Variants in AJAP1 observed in about 807,000 individuals in gnomAD.
AJAP1 encodes adherens junction-associated protein 1.
A neutral mutation model predicts 35.0 loss-of-function variants in AJAP1; 5 were observed. That is an observed-to-expected ratio of 0.14 (90% confidence interval 0.07 to 0.30). The LOEUF (loss-of-function observed/expected upper bound fraction) is 0.30. Among genes scored for constraint, AJAP1 ranks in the 10% least tolerant of loss-of-function variants. The pLI is 1.00. For missense variants in AJAP1, 586 were observed against 571.0 expected (o/e 1.03, Z -0.27); for synonymous variants, 284 against 249.3 (o/e 1.14, Z -1.31).
rs1642097160 is a variant in AJAP1, at chr1:4,783,090, T to A, written c.*605T>A. 8.3e-6 allele frequency: 3 copies of A among 360,060 alleles called. No individual in the cohort carries two copies. The highest frequency in any genetic ancestry group is 1.5e-5 in the Non-Finnish European group (3 of 204,226). 22.3% of individuals were successfully genotyped at this position (360,060 alleles called of 1,614,324 possible). On this transcript the variant is annotated 3_prime_UTR_variant, in exon 6 of 6. Coordinates refer to ENST00000378191, the MANE Select transcript of AJAP1 (RefSeq NM_018836.4). ...TAGCAATTTTTGAAGATCTTAAATG[T>A]TCCTTTTTAAAAAAAAGAATTGTGT...
intron 2 of AJAP1, among the ~76,000 whole-genome samples, chr1:4,728,088 C>T (rs1317421848): frequency 6.6e-6 from 1 of 152,218 alleles, no homozygotes; most frequent in East Asian, 1.9e-4. Flanking sequence ...AACCAGAGAT[C>T]ACTGACAGGT....
intron 2 of AJAP1, among the ~76,000 whole-genome samples, chr1:4,765,762 A>C (rs1182326963): frequency 6.6e-6 from 1 of 152,212 alleles, no homozygotes; most frequent in East Asian, 1.9e-4. Flanking sequence ...ATTTCCAAAA[A>C]TCAAAAATCC....
At chr1:4,672,698 G>A (rs555670841) in intron 1 of AJAP1, among the ~76,000 whole-genome samples, 2 of 152,296 alleles carry the variant, frequency 1.3e-5, no homozygotes, top group Non-Finnish European at 2.9e-5. Flanking sequence ...TGAGAAGGTG[G>A]GATCCCAGGC....
At chr1:4,658,326 A>T (rs1027468709) in intron 1 of AJAP1, among the ~76,000 whole-genome samples, 2 of 151,958 alleles carry the variant, frequency 1.3e-5, no homozygotes, top group Admixed American at 1.3e-4. Flanking sequence ...GACATAATTC[A>T]CAGTTCCCCA....
intron 2 of AJAP1, among the ~76,000 whole-genome samples, chr1:4,767,646 TCAC>T (rs1284766459): frequency 4.0e-5 from 6 of 151,296 alleles, no homozygotes; most frequent in African/African-American, 1.5e-4. Context: ...CACATCACCA[TCAC>T]CACCATCATC....
chr1:4,658,127 G>A (rs1193795258), intron 1 of AJAP1, among the ~76,000 whole-genome samples: 1 of 152,182 alleles, frequency 6.6e-6, no homozygotes, highest in East Asian at 1.9e-4. Flanking sequence ...GCAGACCTCA[G>A]ATGCTGTGGC....
At chr1:4,767,665 T>C (rs1641717211) in intron 2 of AJAP1, among the ~76,000 whole-genome samples, 2 of 151,556 alleles carry the variant, frequency 1.3e-5, no homozygotes, top group Admixed American at 1.3e-4. Context: ...TCATCATCAC[T>C]ATTATCATCA....
rs1466905702 is a variant in AJAP1 at position 4,792,515 on chromosome 1, A to T, written c.*10030A>T. The T allele has an allele frequency of 9.0e-6, 1 of 111,606 alleles. No individual in the cohort carries two copies. The highest frequency in any genetic ancestry group is 1.9e-5 in the Non-Finnish European group (1 of 51,610). The allele number at this position is 111,606 out of a possible 1,614,324, so 6.9% of individuals were successfully genotyped here. ...ATGTTGCTATTAAAAAAAAAAACAT[A>T]ATATGAAAAAAAAAAAAAAGAAGAG... On this transcript the variant is annotated 3_prime_UTR_variant, in exon 6 of 6. Coordinates refer to ENST00000378191, the MANE Select transcript of AJAP1 (RefSeq NM_018836.4).
At chr1:4,753,570 G>A (rs370382112) in intron 2 of AJAP1, among the ~76,000 whole-genome samples, 20 of 151,766 alleles carry the variant, frequency 1.3e-4, no homozygotes, top group East Asian at 5.8e-4. Flanking sequence ...TATATTAATC[G>A]CTGTTTTTGT....
At position 4,694,824 on chromosome 1, in the gene AJAP1, CACAGTGGAAGCGA is replaced by C. The variant is rs1639822324; in HGVS notation, c.30-17071_30-17059del. On this transcript the variant is annotated intron_variant, in intron 1 of 5. Coordinates refer to ENST00000378191, the MANE Select transcript of AJAP1 (RefSeq NM_018836.4). ...AGCCCTGGGAGCTTTAGGTTGTGAGCACAGTGGAAGCGAACAGAGGAGGCTGTGCAGGAAGGGA... is the reference window on the plus strand; with the variant it reads ...AGCCCTGGGAGCTTTAGGTTGTGAGCACAGAGGAGGCTGTGCAGGAAGGGA... Among the ~76,000 whole-genome samples, 4 of 152,306 alleles carry C rather than the reference CACAGTGGAAGCGA, an allele frequency of 2.6e-5. No homozygotes were observed. In the South Asian group the frequency reaches 8.3e-4, roughly 32 times the overall value.
chr1:4,658,862 C>T (rs1206659409), intron 1 of AJAP1, among the ~76,000 whole-genome samples: 1 of 152,196 alleles, frequency 6.6e-6, no homozygotes, highest in Non-Finnish European at 1.5e-5. Context: ...GTCTCTGGGT[C>T]CCTGGAGGCA....
chr1:4,684,898 C>A (rs1639571729), intron 1 of AJAP1, among the ~76,000 whole-genome samples: 2 of 152,346 alleles, frequency 1.3e-5, no homozygotes, highest in South Asian at 2.1e-4. Flanking sequence ...GATCTCTTTC[C>A]TTGGGAAGCC....
chr1:4,714,190 A>G (rs941921940), intron 2 of AJAP1, among the ~76,000 whole-genome samples: 1 of 152,184 alleles, frequency 6.6e-6, no homozygotes, highest in Non-Finnish European at 1.5e-5. Flanking sequence ...GCTGAGGGCC[A>G]TGCCCAGAGA....
At chr1:4,707,856 C>A (rs1362058337) in intron 1 of AJAP1, among the ~76,000 whole-genome samples, 1 of 151,866 alleles carries the variant, frequency 6.6e-6, no homozygotes, top group Non-Finnish European at 1.5e-5. Context: ...GTTTTCATTC[C>A]CACCAACAGC....
At chr1:4,697,781 G>A (rs759954435) in intron 1 of AJAP1, among the ~76,000 whole-genome samples, 11 of 152,350 alleles carry the variant, frequency 7.2e-5, no homozygotes, top group East Asian at 1.9e-4. Context: ...GAGCTGAGCC[G>A]TGGCACAGCC....
At chr1:4,694,451 T>C (rs191051989) in intron 1 of AJAP1, among the ~76,000 whole-genome samples, 18 of 152,320 alleles carry the variant, frequency 1.2e-4, no homozygotes, top group Admixed American at 9.2e-4. Flanking sequence ...TTTGGGAGAC[T>C]CCTCTTCCCT....
intron 2 of AJAP1, among the ~76,000 whole-genome samples, chr1:4,724,181 C>T (rs1052587875): frequency 1.3e-5 from 2 of 152,158 alleles, no homozygotes; most frequent in African/African-American, 2.4e-5. Flanking sequence ...GTGGTGGCCG[C>T]GGGCACCTGC....
intron 2 of AJAP1, among the ~76,000 whole-genome samples, chr1:4,752,007 ATAG>A (rs1378495709): frequency 1.3e-5 from 2 of 152,186 alleles, no homozygotes; most frequent in Non-Finnish European, 2.9e-5. Flanking sequence ...CTGGATGGTA[ATAG>A]TGGTGCCCAC....
At chr1:4,774,282 G>A in intron 4 of AJAP1, 145 bp from the exon 5 acceptor site, 2 of 686,238 alleles carry the variant, frequency 2.9e-6, no homozygotes, top group East Asian at 2.6e-5. Context: ...TGTGGGGGGT[G>A]GTCCCTTCCT....
Sources: allele counts gnomAD v4.1 joint callset (sites outside exome capture counted in the v4.1 genomes callset), GRCh38; gene constraint gnomAD v4.1.1; transcripts MANE v1.5; gene names NCBI Gene and HGNC (gene_info 2026-07-23, HGNC 2026-07-21).